The following TGFBR3 variants were observed in gnomAD, a reference collection of about 807,000 sequenced individuals.
The protein encoded by TGFBR3 is transforming growth factor beta receptor 3.
A neutral mutation model predicts 87.9 loss-of-function variants in TGFBR3; 46 were observed. That is an observed-to-expected ratio of 0.52 (90% confidence interval 0.41 to 0.67). TGFBR3 has a LOEUF of 0.67. TGFBR3 is among the 30% of genes least tolerant of loss of function. The pLI is 0.00. For synonymous variants in TGFBR3, 381 were observed against 391.6 expected (o/e 0.97, Z 0.32); for missense variants, 866 against 1,041.9 (o/e 0.83, Z 2.32).
chr1:91,774,490 T>C (rs568647191), intron 3 of TGFBR3, among the ~76,000 whole-genome samples: 1 of 151,730 alleles, frequency 6.6e-6, no homozygotes, highest in Non-Finnish European at 1.5e-5. Flanking sequence ...GATGAGCAGG[T>C]TTTTTTTATT....
At chr1:91,769,104 C>T (rs1320328872) in intron 3 of TGFBR3, among the ~76,000 whole-genome samples, 1 of 152,162 alleles carries the variant, frequency 6.6e-6, no homozygotes, top group East Asian at 1.9e-4. Context: ...ACATCAGTTT[C>T]ATCAATTGTA....
intron 14 of TGFBR3, among the ~76,000 whole-genome samples, chr1:91,700,028 T>C (rs1378998751): frequency 3.3e-5 from 5 of 152,234 alleles, no homozygotes; most frequent in Admixed American, 6.5e-5. Flanking sequence ...GAAATTCAAA[T>C]TGACTCCATA....
At chr1:91,846,188 A>G (rs1557741237) in intron 2 of TGFBR3, among the ~76,000 whole-genome samples, 3 of 152,212 alleles carry the variant, frequency 2.0e-5, no homozygotes, top group Non-Finnish European at 4.4e-5. Context: ...TGAGCCGGGT[A>G]AGGTCCAAGC....
At chr1:91,843,370 C>T (rs1406578920) in intron 2 of TGFBR3, among the ~76,000 whole-genome samples, 1 of 152,164 alleles carries the variant, frequency 6.6e-6, no homozygotes, top group Non-Finnish European at 1.5e-5. Flanking sequence ...GAAAAGTCAT[C>T]AGTCTGCAAT....
intron 8 of TGFBR3, 151 bp from the exon 9 acceptor site, chr1:91,720,381 A>ATTCAG: frequency 1.2e-6 from 1 of 818,366 alleles, no homozygotes; most frequent in Non-Finnish European, 2.0e-6. Flanking sequence ...GAAGTCTAGA[A>ATTCAG]GCCTGAATTC....
At chr1:91,842,665 A>C (rs1677329321) in intron 2 of TGFBR3, among the ~76,000 whole-genome samples, 1 of 152,164 alleles carries the variant, frequency 6.6e-6, no homozygotes, top group Non-Finnish European at 1.5e-5. Flanking sequence ...TCTGCCCATA[A>C]TAAGGTTGTT....
intron 3 of TGFBR3, among the ~76,000 whole-genome samples, chr1:91,792,311 G>T (rs1675224664): frequency 6.6e-6 from 1 of 152,148 alleles, no homozygotes; most frequent in African/African-American, 2.4e-5. Context: ...AAGCTCATAG[G>T]GTTATGAGCT....
chr1:91,716,212 T>G (rs1324303435), intron 12 of TGFBR3, 24 bp downstream of exon 12: 5 of 1,613,784 alleles, frequency 3.1e-6, no homozygotes, highest in Non-Finnish European at 4.2e-6. Flanking sequence ...ACCTAAAAGG[T>G]CAAGGCTAAC....
At chr1:91,899,603 A>C (rs974064992) in intron 2 of TGFBR3, 17 of 152,120 alleles carry the variant, frequency 1.1e-4, no homozygotes, top group African/African-American at 4.1e-4. Context: ...TTATGCTGAC[A>C]TCTTGACTTA....
chr1:91,821,328 CAAAAAA>C (rs35313779), intron 2 of TGFBR3, among the ~76,000 whole-genome samples: 2 of 77,590 alleles, frequency 2.6e-5, no homozygotes, highest in African/African-American at 5.1e-5. Context: ...AAGACTGTCT[CAAAAAA>C]AAAAAAAAAA....
At chr1:91,882,640 G>A (rs187923479) in intron 1 of TGFBR3, among the ~76,000 whole-genome samples, 125 of 152,254 alleles carry the variant, frequency 8.2e-4, no homozygotes, top group African/African-American at 2.8e-3. Context: ...AGCTGCTGGG[G>A]AGGCTGAGGC....
chr1:91,706,810 T>C (rs1020461809), intron 14 of TGFBR3, among the ~76,000 whole-genome samples: 2 of 152,206 alleles, frequency 1.3e-5, no homozygotes, highest in East Asian at 1.9e-4. Flanking sequence ...ATCACTTTCA[T>C]AGTACAAAAT....
intron 2 of TGFBR3, among the ~76,000 whole-genome samples, chr1:91,851,707 G>A (rs1306146397): frequency 6.6e-6 from 1 of 152,206 alleles, no homozygotes; most frequent in African/African-American, 2.4e-5. Context: ...TGTCTTGATG[G>A]AAGTGTTGAT....
In TGFBR3 at chr1:91,727,683, A is replaced by G. The variant is rs770894357; in HGVS notation, c.861T>C (p.Asp287=). Residue 287 remains aspartate (D), a synonymous_variant, in exon 7 of 17, where the codon GAT becomes GAC. Transcript: ENST00000212355. ...KSVNWVIKSF[D]VKGSLKIIAP... Reference sequence around the variant, plus strand: ...CAATAATTTTCAGGCTTCCCTTAACATCAAAAGATTTGATCACCCAGTTGA... The same window carrying G: ...CAATAATTTTCAGGCTTCCCTTAACGTCAAAAGATTTGATCACCCAGTTGA... 3 of 1,614,176 alleles carry G rather than the reference A, an allele frequency of 1.9e-6. No homozygotes were observed. Among genetic ancestry groups the G allele is most frequent in the Non-Finnish European group, 2.5e-6 (3 of 1,180,016 alleles).
intron 4 of TGFBR3, among the ~76,000 whole-genome samples, chr1:91,746,201 C>G (rs1673339354): frequency 6.6e-6 from 1 of 152,178 alleles, no homozygotes; most frequent in South Asian, 2.1e-4. Flanking sequence ...AAGCAATACT[C>G]TCATCTCCCA....
chr1:91,732,380 G>A (rs1303019900), intron 5 of TGFBR3, among the ~76,000 whole-genome samples: 2 of 152,164 alleles, frequency 1.3e-5, no homozygotes, highest in Non-Finnish European at 2.9e-5. Flanking sequence ...CCCACCCCCA[G>A]AGTTCCTGAT....
At chr1:91,727,925 G>T in intron 6 of TGFBR3, 119 bp from the exon 7 acceptor site, 2 of 1,209,040 alleles carry the variant, frequency 1.7e-6, no homozygotes, top group Non-Finnish European at 2.4e-6. Context: ...AGCTGGAGTT[G>T]ATCCCAGGCC....
At chr1:91,728,680 T>C (rs1672635148) in intron 6 of TGFBR3, among the ~76,000 whole-genome samples, 1 of 152,192 alleles carries the variant, frequency 6.6e-6, no homozygotes, top group Admixed American at 6.5e-5. Flanking sequence ...CTTTTCACTT[T>C]CTACAAAATT....
chr1:91,787,247 G>A (rs989183609), intron 3 of TGFBR3, among the ~76,000 whole-genome samples: 26 of 151,898 alleles, frequency 1.7e-4, no homozygotes, highest in African/African-American at 2.4e-5. Flanking sequence ...GTTGCAGTGA[G>A]CCGAGGTCAC....
Sources: allele counts gnomAD v4.1 joint callset (sites outside exome capture counted in the v4.1 genomes callset), GRCh38; gene constraint gnomAD v4.1.1; transcripts MANE v1.5; gene names NCBI Gene and HGNC (gene_info 2026-07-23, HGNC 2026-07-21).